The following SLC8A1 variants were observed in gnomAD, a reference collection of about 807,000 sequenced individuals.
SLC8A1 encodes the protein solute carrier family 8 member A1.
In SLC8A1, 18 loss-of-function variants were observed where a neutral mutation model predicts 68.3. That is an observed-to-expected ratio of 0.26 (90% CI 0.18 to 0.39). SLC8A1 has a LOEUF of 0.39. SLC8A1 is among the 10% of genes least tolerant of loss of function. The pLI is 1.00. For synonymous variants in SLC8A1, 475 were observed against 415.5 expected, an observed-to-expected ratio of 1.14 and a Z score of -1.74; for missense variants, 985 against 1,156.7, an observed-to-expected ratio of 0.85 and a Z score of 2.15.
intron 2 of SLC8A1, among the ~76,000 whole-genome samples, chr2:40,387,069 A>T (rs1683796960): frequency 6.6e-6 from 1 of 151,520 alleles, no homozygotes; most frequent in Admixed American, 6.6e-5. Context: ...ATGAAGATCC[A>T]AAGAATGAAT....
intron 6 of SLC8A1, among the ~76,000 whole-genome samples, chr2:40,150,635 T>G (rs923760071): frequency 3.3e-5 from 5 of 152,222 alleles, no homozygotes; most frequent in African/African-American, 1.2e-4. Flanking sequence ...AGACACGACT[T>G]CGGGCATACA....
chr2:40,219,855 C>A (rs1462418327), intron 2 of SLC8A1, among the ~76,000 whole-genome samples: 7 of 24,198 alleles, frequency 2.9e-4, no homozygotes, highest in Non-Finnish European at 1.4e-4. Flanking sequence ...TTAGCTCCAA[C>A]AGAGCCTCCC....
At chr2:40,456,319 A>AG (rs1703019023), upstream of SLC8A1, among the ~76,000 whole-genome samples, 1 of 149,464 alleles carries the variant, frequency 6.7e-6, no homozygotes, top group South Asian at 2.1e-4. Context: ...TCCGTCTCAA[A>AG]AAAAAAAAAA....
chr2:40,107,279 C>CAAAAAAAAAAAAAAAGAAAA (rs2034264797), exon 8 of SLC8A1: 1 of 64,962 alleles, frequency 1.5e-5, no homozygotes, highest in Non-Finnish European at 2.9e-5. Context: ...GACTCCGTCT[C>CAAAAAAAAAAAAAAAGAAAA]AAAAAAAAAA....
chr2:40,139,661 T>G, exon 7 of SLC8A1: 1 of 1,613,884 alleles, frequency 6.2e-7, no homozygotes, highest in Non-Finnish European at 8.5e-7. Flanking sequence ...ACATTCATCG[T>G]CGTCATCATC....
At chr2:40,439,363 T>G (rs562955974) in intron 1 of SLC8A1, among the ~76,000 whole-genome samples, 1 of 152,094 alleles carries the variant, frequency 6.6e-6, no homozygotes, top group East Asian at 1.9e-4. Context: ...TGCAGAAACA[T>G]GAACCCCAAA....
exon 5 of SLC8A1, chr2:40,164,956 G>A: frequency 1.2e-6 from 2 of 1,613,878 alleles, no homozygotes; most frequent in Non-Finnish European, 8.5e-7. Context: ...CCTCTTTGCT[G>A]GTCAGTGGCT....
intron 2 of SLC8A1, among the ~76,000 whole-genome samples, chr2:40,322,521 A>C (rs2075324836): frequency 6.6e-6 from 1 of 150,794 alleles, no homozygotes; most frequent in East Asian, 2.0e-4. Flanking sequence ...AAAAAAAAAA[A>C]AAAAATTAGA....
intron 7 of SLC8A1, among the ~76,000 whole-genome samples, chr2:40,126,830 C>G (rs4614975): frequency 0.63 from 95,587 of 151,932 alleles, 31,839 homozygotes; most frequent in East Asian, 0.84. Context: ...AAGTACCAGT[C>G]TTACTCCACG....
chr2:40,335,863 C>A (rs1183069965), intron 2 of SLC8A1, among the ~76,000 whole-genome samples: 4 of 152,126 alleles, frequency 2.6e-5, no homozygotes, highest in African/African-American at 9.7e-5. Flanking sequence ...GTGGAATGAG[C>A]CTATCAGAGA....
chr2:40,234,180 T>A (rs2060055996), intron 2 of SLC8A1, among the ~76,000 whole-genome samples: 2 of 152,152 alleles, frequency 1.3e-5, no homozygotes, highest in South Asian at 4.2e-4. Context: ...ATCTGTAAAT[T>A]ACCTTGGGCA....
At chr2:40,231,428 T>C (rs2059631316) in intron 2 of SLC8A1, among the ~76,000 whole-genome samples, 1 of 152,154 alleles carries the variant, frequency 6.6e-6, no homozygotes, top group South Asian at 2.1e-4. Flanking sequence ...TCTTTATAGG[T>C]GATACTTTGG....
intron 2 of SLC8A1, among the ~76,000 whole-genome samples, chr2:40,217,270 G>A (rs182334555): frequency 2.0e-5 from 3 of 152,100 alleles, no homozygotes; most frequent in Non-Finnish European, 4.4e-5. Flanking sequence ...GCTTGTTTCT[G>A]TCAGGTTTGT....
chr2:40,344,524 G>A (rs1036357883), intron 2 of SLC8A1, among the ~76,000 whole-genome samples: 1 of 152,146 alleles, frequency 6.6e-6, no homozygotes, highest in Non-Finnish European at 1.5e-5. Context: ...TCATCTTTGA[G>A]TAAGACACCC....
chr2:40,184,174 CTCAA>C (rs888745078), intron 2 of SLC8A1, among the ~76,000 whole-genome samples: 5 of 151,976 alleles, frequency 3.3e-5, no homozygotes, highest in African/African-American at 4.8e-5. Flanking sequence ...GAGACACTGT[CTCAA>C]TCAATCAATC....
exon 8 of SLC8A1, chr2:40,112,368 C>G (rs1558390680): frequency 1.4e-5 from 2 of 145,704 alleles, no homozygotes; most frequent in African/African-American, 5.2e-5. Context: ...ACAATACACA[C>G]AAAATAAAAT....
At chr2:40,373,981 C>G (rs1015167318) in intron 2 of SLC8A1, among the ~76,000 whole-genome samples, 2 of 152,100 alleles carry the variant, frequency 1.3e-5, no homozygotes, top group Non-Finnish European at 2.9e-5. Flanking sequence ...CTCAAGAAAT[C>G]TGAGAAGAGG....
At chr2:40,330,081 T>C (rs1331120995) in intron 2 of SLC8A1, among the ~76,000 whole-genome samples, 1 of 152,222 alleles carries the variant, frequency 6.6e-6, no homozygotes, top group African/African-American at 2.4e-5. Flanking sequence ...AGATGCTAGA[T>C]GCATATCTTA....
chr2:40,283,916 C>A (rs995319257), intron 2 of SLC8A1, among the ~76,000 whole-genome samples: 1 of 152,056 alleles, frequency 6.6e-6, no homozygotes, highest in African/African-American at 2.4e-5. Flanking sequence ...CTACCCCCCA[C>A]CTTTTATTTT....
Sources: allele counts gnomAD v4.1 joint callset (sites outside exome capture counted in the v4.1 genomes callset), GRCh38; gene constraint gnomAD v4.1.1; transcripts MANE v1.5; gene names NCBI Gene and HGNC (gene_info 2026-07-23, HGNC 2026-07-21).